Variants in MAML3 observed in about 807,000 individuals in gnomAD.
MAML3 encodes mastermind like transcriptional coactivator 3, also known as mastermind-like protein 3.
A neutral mutation model predicts 101.9 loss-of-function variants in MAML3; 27 were observed. The observed-to-expected ratio is 0.27, with a 90% CI of 0.20 to 0.37. MAML3 has a LOEUF of 0.37. Among genes scored for constraint, MAML3 ranks in the 10% least tolerant of loss-of-function variants. The pLI is 1.00. For synonymous variants in MAML3, 501 were observed against 555.9 expected, an observed-to-expected ratio of 0.90 and a Z score of 1.39; for missense variants, 1,316 against 1,444.9, an observed-to-expected ratio of 0.91 and a Z score of 1.45.
chr4:139,857,944 A>C (rs1436116089), intron 2 of MAML3, among the ~76,000 whole-genome samples: 1 of 152,178 alleles, frequency 6.6e-6, no homozygotes, highest in Non-Finnish European at 1.5e-5. Flanking sequence ...CAATGGACAT[A>C]TGCCACCTAG....
chr4:139,889,714 G>A lies in MAML3; in HGVS notation c.1722C>T (p.His574=). ...TTGGCTGCTGATTGATCATATTCAT[G>A]TGATTCTGAGGGAGGTAGTTATTCA... ...TTMNNYLPQN[H]MNMINQQPNN... is the part of the protein sequence containing the mutation. The change falls in exon 2 of 5, where the codon CAC becomes CAT. Residue 574 remains histidine (H), a synonymous_variant. Coordinates refer to ENST00000509479, the MANE Select transcript of MAML3 (RefSeq NM_018717.5). 4.3e-6 allele frequency: 7 copies of A among 1,614,024 alleles called. No individual in the cohort carries two copies. The highest frequency in any genetic ancestry group is 5.9e-6 in the Non-Finnish European group (7 of 1,179,890).
intron 2 of MAML3, among the ~76,000 whole-genome samples, chr4:139,781,451 G>T (rs773474036): frequency 2.7e-4 from 40 of 150,488 alleles, no homozygotes; most frequent in Non-Finnish European, 4.0e-4. Context: ...CAAAATCCCA[G>T]TTCTATTACT....
chr4:139,888,188 T>A (rs1732380836), intron 2 of MAML3, among the ~76,000 whole-genome samples: 1 of 151,874 alleles, frequency 6.6e-6, no homozygotes, highest in South Asian at 2.1e-4. Context: ...GGGGGTGGGG[T>A]GGGGCACTCC....
At chr4:139,788,462 G>A (rs1457481832) in intron 2 of MAML3, among the ~76,000 whole-genome samples, 7 of 152,084 alleles carry the variant, frequency 4.6e-5, no homozygotes, top group East Asian at 1.9e-4. Context: ...TTTTCTCCTC[G>A]CTGTCTCCAA....
At chr4:139,839,146 G>C (rs1448891608) in intron 2 of MAML3, among the ~76,000 whole-genome samples, 1 of 152,090 alleles carries the variant, frequency 6.6e-6, no homozygotes, top group Non-Finnish European at 1.5e-5. Context: ...AGAACGCGCT[G>C]GCATCATTCC....
intron 1 of MAML3, among the ~76,000 whole-genome samples, chr4:140,151,015 G>A (rs550184085): frequency 6.6e-6 from 1 of 152,080 alleles, no homozygotes; most frequent in Non-Finnish European, 1.5e-5. Flanking sequence ...GGGCATGGGG[G>A]GCGCGGCGGG....
At chr4:140,084,990 T>A (rs1727928271) in intron 1 of MAML3, among the ~76,000 whole-genome samples, 1 of 152,174 alleles carries the variant, frequency 6.6e-6, no homozygotes, top group African/African-American at 2.4e-5. Flanking sequence ...TAGTCCTTGT[T>A]GTGGCTGCTG....
chr4:140,138,878 A>G (rs1344658004), intron 1 of MAML3, among the ~76,000 whole-genome samples: 1 of 152,212 alleles, frequency 6.6e-6, no homozygotes, highest in Non-Finnish European at 1.5e-5. Flanking sequence ...AGTATCCAGA[A>G]AATTTTGTTG....
At chr4:140,104,376 A>AAT (rs1227478210) in intron 1 of MAML3, among the ~76,000 whole-genome samples, 1 of 69,388 alleles carries the variant, frequency 1.4e-5, no homozygotes, top group Non-Finnish European at 3.1e-5. Context: ...ATATATATAT[A>AAT]ATATATATAT....
intron 2 of MAML3, chr4:139,740,458 T>C (rs1729124370): frequency 6.6e-6 from 1 of 152,154 alleles, no homozygotes; most frequent in South Asian, 2.1e-4. Flanking sequence ...TTTTTACCCA[T>C]ATGTTTGCTA....
intron 1 of MAML3, among the ~76,000 whole-genome samples, chr4:139,991,688 T>C (rs1268508063): frequency 2.0e-5 from 3 of 152,094 alleles, no homozygotes; most frequent in Admixed American, 1.3e-4. Context: ...AATTTACATA[T>C]AAAGTCCACC....
At chr4:139,943,863 A>ATTTTTTTTTTTTTTTTTTT (rs1560844242) in intron 1 of MAML3, among the ~76,000 whole-genome samples, 1 of 75,612 alleles carries the variant, frequency 1.3e-5, no homozygotes, top group Non-Finnish European at 2.6e-5. Flanking sequence ...CCTAAAGACA[A>ATTTTTTTTTTTTTTTTTTT]CTTTTTTTTT....
At chr4:139,729,426 C>A (rs72730203) in intron 3 of MAML3, among the ~76,000 whole-genome samples, 1 of 152,066 alleles carries the variant, frequency 6.6e-6, no homozygotes, top group African/African-American at 2.4e-5. Flanking sequence ...TCGAGACCAG[C>A]CTGGTCAACA....
intron 2 of MAML3, among the ~76,000 whole-genome samples, chr4:139,803,695 C>T (rs1057353722): frequency 3.3e-5 from 5 of 152,194 alleles, no homozygotes; most frequent in Non-Finnish European, 5.9e-5. Flanking sequence ...AAAATAATAA[C>T]ACCACACAGC....
chr4:140,142,721 T>G (rs1201120827), intron 1 of MAML3, among the ~76,000 whole-genome samples: 1 of 152,198 alleles, frequency 6.6e-6, no homozygotes, highest in Non-Finnish European at 1.5e-5. Context: ...AGCAATCCTG[T>G]CACCCCCTAA....
chr4:140,104,561 CTCCTGGGCTCAACCTCCACT>C (rs1396848736), intron 1 of MAML3, among the ~76,000 whole-genome samples: 1 of 147,640 alleles, frequency 6.8e-6, no homozygotes, highest in Non-Finnish European at 1.5e-5. Context: ...CAACCTCCAC[CTCCTGGGCTCAACCTCCACT>C]TCCTGGGCTC....
chr4:139,781,702 T>C (rs1338263002), intron 2 of MAML3, among the ~76,000 whole-genome samples: 1 of 152,104 alleles, frequency 6.6e-6, no homozygotes, highest in Non-Finnish European at 1.5e-5. Flanking sequence ...GTTTTACTTT[T>C]AGGGCACTGA....
chr4:139,829,773 G>A (rs987121418), intron 2 of MAML3, among the ~76,000 whole-genome samples: 1 of 152,220 alleles, frequency 6.6e-6, no homozygotes, highest in African/African-American at 2.4e-5. Flanking sequence ...ATTCAAGCAC[G>A]TTTAGGCAGC....
chr4:140,070,279 A>G (rs2110952259), intron 1 of MAML3, among the ~76,000 whole-genome samples: 1 of 152,326 alleles, frequency 6.6e-6, no homozygotes, highest in South Asian at 2.1e-4. Context: ...AATGAGTAGC[A>G]TACATTCATG....
Sources: allele counts gnomAD v4.1 joint callset (sites outside exome capture counted in the v4.1 genomes callset), GRCh38; gene constraint gnomAD v4.1.1; transcripts MANE v1.5; gene names NCBI Gene and HGNC (gene_info 2026-07-23, HGNC 2026-07-21).